MOV10L1: variants seen among roughly 807,000 people sequenced by gnomAD.
The protein encoded by MOV10L1 is RNA helicase Mov10l1.
MOV10L1 carries 110 observed loss-of-function variants against 143.8 expected under a neutral mutation model. The observed-to-expected ratio is 0.76, with a 90% CI of 0.66 to 0.90. The LOEUF (loss-of-function observed/expected upper bound fraction) is 0.90. Among genes scored for constraint, MOV10L1 ranks in the 40% least tolerant of loss-of-function variants. The pLI is 0.00. For missense variants in MOV10L1, 1,406 were observed against 1,526.8 expected, an observed-to-expected ratio of 0.92 and a Z score of 1.32; for synonymous variants, 593 against 581.1, an observed-to-expected ratio of 1.02 and a Z score of -0.29.
rs1233562428 is a variant in MOV10L1, at chr22:50,150,723, C to T, written c.2728-12C>T. 2 of 1,613,030 alleles carry T rather than the reference C, an allele frequency of 1.2e-6. No individual in the cohort carries two copies. Among genetic ancestry groups the T allele is most frequent in the African/African-American group, 1.3e-5 (1 of 75,012 alleles). On this transcript the variant is annotated splice_polypyrimidine_tract_variant and intron_variant, in intron 20 of 26. Transcript: ENST00000262794. ...CTCCCTGCATGAGCTGAGACGGGCCCTCTGTGTGCAGATCGTGCTGGCAGG... is the reference window on the plus strand; with the variant it reads ...CTCCCTGCATGAGCTGAGACGGGCCTTCTGTGTGCAGATCGTGCTGGCAGG...
chr22:50,090,633 G>A, intron 1 of MOV10L1: 1 of 1,212,028 alleles, frequency 8.3e-7, no homozygotes, highest in Admixed American at 2.0e-5. Context: ...CTAAAGCCCG[G>A]GATGCGCCCG....
intron 2 of MOV10L1, chr22:50,094,650 G>A (rs975395250): frequency 1.1e-4 from 17 of 152,186 alleles, no homozygotes; most frequent in African/African-American, 3.6e-4. Flanking sequence ...CCGCCACCTC[G>A]GCCTCCCAAA....
chr22:50,091,082 C>A (rs1240633507), intron 1 of MOV10L1: 1 of 168,054 alleles, frequency 6.0e-6, no homozygotes, highest in Non-Finnish European at 1.5e-5. Context: ...GAACAGGCTT[C>A]AGGAGGGGAG....
At chr22:50,130,267 T>C (rs1376594158) in intron 13 of MOV10L1, among the ~76,000 whole-genome samples, 4 of 152,050 alleles carry the variant, frequency 2.6e-5, no homozygotes, top group African/African-American at 4.8e-5. Flanking sequence ...AGCGAGACTC[T>C]GTCTCAAAAA....
Position 50,125,307 on chromosome 22 carries a change from G to A in MOV10L1, c.1570-85G>A. On this transcript the variant is annotated intron_variant, in intron 10 of 26. Coordinates refer to ENST00000262794, the MANE Select transcript of MOV10L1 (RefSeq NM_018995.3). ...GGGGGCCATCTGCTGAACTGGAGCTGTTGGAACTTTCCTGCTCCGGAGCTG... is the reference window on the plus strand; with the variant it reads ...GGGGGCCATCTGCTGAACTGGAGCTATTGGAACTTTCCTGCTCCGGAGCTG... 5.0e-6 allele frequency: 7 copies of A among 1,390,034 alleles called. 1 individual carries two copies. In the South Asian group the frequency reaches 5.2e-5, roughly 10 times the overall value. The allele number at this position is 1,390,034 out of a possible 1,614,324, so 86.1% of individuals were successfully genotyped here.
chr22:50,131,971 T>C (rs2062690685), intron 13 of MOV10L1, among the ~76,000 whole-genome samples: 1 of 152,216 alleles, frequency 6.6e-6, no homozygotes, highest in Non-Finnish European at 1.5e-5. Context: ...TTCAGTGTCC[T>C]GGTGAGACTG....
At chr22:50,115,673 A>G (rs953241363) in intron 8 of MOV10L1, among the ~76,000 whole-genome samples, 1 of 152,268 alleles carries the variant, frequency 6.6e-6, no homozygotes, top group South Asian at 2.1e-4. Context: ...ACTTCGCACG[A>G]CTCATGAGGG....
intron 10 of MOV10L1, among the ~76,000 whole-genome samples, chr22:50,123,110 C>T (rs1034657711): frequency 2.7e-5 from 4 of 149,692 alleles, no homozygotes; most frequent in Non-Finnish European, 4.4e-5. Context: ...ACCTGGGAGG[C>T]GCTTGAGCCC....
In MOV10L1 at chr22:50,145,824, A is replaced by G. The variant is rs113850021; in HGVS notation, c.2627+14A>G. ...AATAGGAGTGAGGTGAGCCCCGGGC[A>G]TGGAGCGCGGCATGGGGCCTCCCAG... On this transcript the variant is annotated intron_variant, in intron 19 of 26. Coordinates refer to ENST00000262794, the MANE Select transcript of MOV10L1 (RefSeq NM_018995.3). 12 of 1,613,146 alleles carry G rather than the reference A, an allele frequency of 7.4e-6. No homozygotes were observed. The highest frequency in any genetic ancestry group is 4.0e-5 in the African/African-American group (3 of 75,052).
chr22:50,149,272 C>T (rs1310288855), intron 19 of MOV10L1: 6 of 258,872 alleles, frequency 2.3e-5, no homozygotes, highest in Non-Finnish European at 3.8e-5. Context: ...AGGAGTGAGA[C>T]GCAGGTGGAG....
At chr22:50,142,268 C>G (rs1275666689) in intron 16 of MOV10L1, 79 bp downstream of exon 16, 15 of 1,185,524 alleles carry the variant, frequency 1.3e-5, no homozygotes, top group Admixed American at 2.4e-5. Context: ...GGAGTGGGCT[C>G]TCATGCAGAA....
intron 3 of MOV10L1, among the ~76,000 whole-genome samples, chr22:50,106,348 T>TA (rs71198215): frequency 6.0e-4 from 90 of 149,140 alleles, no homozygotes; most frequent in African/African-American, 2.1e-3. Context: ...TTTTTTTTTT[T>TA]AGAGATGGGA....
At chr22:50,135,479 G>A (rs1220718716) in intron 15 of MOV10L1, among the ~76,000 whole-genome samples, 1 of 151,812 alleles carries the variant, frequency 6.6e-6, no homozygotes, top group African/African-American at 2.4e-5. Flanking sequence ...TAGGCCGGTC[G>A]CAGTGGCTCA....
intron 13 of MOV10L1, among the ~76,000 whole-genome samples, chr22:50,131,081 T>G (rs1355175375): frequency 8.1e-6 from 1 of 123,480 alleles, no homozygotes; most frequent in Non-Finnish European, 1.8e-5. Flanking sequence ...TTTTTTTTTT[T>G]TGTATTTTTA....
chr22:50,151,579 A>C (rs2063297630), intron 21 of MOV10L1, among the ~76,000 whole-genome samples: 1 of 91,104 alleles, frequency 1.1e-5, no homozygotes, highest in South Asian at 4.4e-4. Flanking sequence ...GCAAGACAGG[A>C]CCGGCTGTGC....
At chr22:50,106,653 G>T (rs1331728821) in intron 3 of MOV10L1, among the ~76,000 whole-genome samples, 9 of 150,304 alleles carry the variant, frequency 6.0e-5, no homozygotes, top group Non-Finnish European at 1.2e-4. Flanking sequence ...CTGTATAAAT[G>T]TGTCTCCAGA....
chr22:50,098,943 ATCT>A (rs1326407690), intron 2 of MOV10L1, among the ~76,000 whole-genome samples: 2 of 152,148 alleles, frequency 1.3e-5, no homozygotes, highest in African/African-American at 4.8e-5. Context: ...TTTTTCCCTC[ATCT>A]TATCAATGTA....
In MOV10L1 at chr22:50,142,239, T is replaced by C. The variant is rs112336218; in HGVS notation, c.2179+50T>C. The C allele has an allele frequency of 4.0e-5, 60 of 1,487,432 alleles. No homozygotes were observed. In the African/African-American group the frequency reaches 6.2e-4, roughly 15 times the overall value. 92.1% of individuals were successfully genotyped at this position (1,487,432 alleles called of 1,614,324 possible). A position where few individuals can be genotyped will look rare whatever the true frequency, so the allele number is the denominator to read the frequency against. On this transcript the variant is annotated intron_variant, in intron 16 of 26. Transcript: ENST00000262794. ...GAAGAGCAACTCTGAGACTGTCGCCTGGAAAACGGGGACTTTGAGGAGTGG... is the reference window on the plus strand; with the variant it reads ...GAAGAGCAACTCTGAGACTGTCGCCCGGAAAACGGGGACTTTGAGGAGTGG...
Position 50,092,079 on chromosome 22 carries a change from A to G in MOV10L1, c.176A>G (p.Tyr59Cys), listed in dbSNP as rs1569262450. The change falls in exon 2 of 27, where the codon TAC becomes TGC. Residue 59 changes from tyrosine to cysteine, a missense_variant. By Grantham distance (194) the Tyr-to-Cys change is radical. Transcript: ENST00000262794. ...TATGGCATGATTGATGATATGATCT[A>G]CTTCTCCAGTGATGCTGTGACTAGC... ...SDYGMIDDMI[Y>C]FSSDAVTSRV... The G allele has an allele frequency of 3.1e-6, 5 of 1,614,042 alleles. No homozygotes were observed. The East Asian group carries it at 6.7e-5, about 22-fold the overall frequency.
Sources: allele counts gnomAD v4.1 joint callset (sites outside exome capture counted in the v4.1 genomes callset), GRCh38; gene constraint gnomAD v4.1.1; transcripts MANE v1.5; gene names NCBI Gene and HGNC (gene_info 2026-07-23, HGNC 2026-07-21).